The following MRTFB variants were observed in gnomAD, a reference collection of about 807,000 sequenced individuals.
MRTFB encodes the protein myocardin related transcription factor B, also known as myocardin-related transcription factor B.
A neutral mutation model predicts 104.2 loss-of-function variants in MRTFB; 29 were observed. The observed-to-expected ratio is 0.28, with a 90% CI of 0.21 to 0.38. The LOEUF (loss-of-function observed/expected upper bound fraction) is 0.38. Ranked by LOEUF, MRTFB falls within the 10% of genes least tolerant of loss-of-function variation. The probability of loss-of-function intolerance (pLI) is 1.00; values close to 1 mark genes in which losing one functional copy is unlikely to be tolerated. For missense variants in MRTFB, 1,270 were observed against 1,341.6 expected (o/e 0.95, Z 0.83); for synonymous variants, 535 against 519.5 (o/e 1.03, Z -0.41).
chr16:14,203,906 G>A (rs1379259982), intron 3 of MRTFB, among the ~76,000 whole-genome samples: 1 of 151,888 alleles, frequency 6.6e-6, no homozygotes, highest in Non-Finnish European at 1.5e-5. Flanking sequence ...TTTTGAATTA[G>A]GGTTATAAGT....
the MRTFB span, among the ~76,000 whole-genome samples, chr16:14,019,889 T>C: frequency 6.6e-6 from 1 of 152,020 alleles, no homozygotes; most frequent in Non-Finnish European, 1.5e-5. Context: ...ATGGGACAAA[T>C]AGAAGGGAAG....
the MRTFB span, among the ~76,000 whole-genome samples, chr16:14,007,585 C>T: frequency 6.6e-6 from 1 of 152,074 alleles, no homozygotes; most frequent in Admixed American, 6.6e-5. Context: ...TTCTATATAC[C>T]TACGAGGGAA....
intron 1 of MRTFB, among the ~76,000 whole-genome samples, chr16:14,071,975 C>A (rs2033730808): frequency 6.6e-6 from 1 of 152,116 alleles, no homozygotes; most frequent in African/African-American, 2.4e-5. Flanking sequence ...TCCCCGATCC[C>A]CAAGTGGTCA....
At chr16:14,064,761 A>ATTG in the MRTFB span, among the ~76,000 whole-genome samples, 5 of 152,172 alleles carry the variant, frequency 3.3e-5, no homozygotes, top group Admixed American at 3.3e-4. Flanking sequence ...CAGAGATCAG[A>ATTG]TTGTTGTAGA....
At chr16:14,143,947 C>T (rs2038159693) in intron 3 of MRTFB, 2 of 152,138 alleles carry the variant, frequency 1.3e-5, no homozygotes, top group African/African-American at 2.4e-5. Context: ...TTAACTGTTA[C>T]TAGTGTTCTT....
chr16:14,262,448 G>A lies in MRTFB; in HGVS notation c.*1004G>A, dbSNP rs1053567103. 2.0e-5 allele frequency: 3 copies of A among 152,214 alleles called. No homozygotes were observed. The highest frequency in any genetic ancestry group is 2.9e-5 in the Non-Finnish European group (2 of 68,042). The allele number at this position is 152,214 out of a possible 1,614,324, so 9.4% of individuals were successfully genotyped here. A position where few individuals can be genotyped will look rare whatever the true frequency, so the allele number is the denominator to read the frequency against. ...AATATCTTTCTGAGCTGGCGAGTTA[G>A]AAGAATGGAAGGTAAGGGGAAGGTC... On this transcript the variant is annotated 3_prime_UTR_variant, in exon 17 of 17. Transcript: ENST00000571589.
At chr16:14,066,381 C>G (rs774719947), upstream of MRTFB, among the ~76,000 whole-genome samples, 8 of 151,330 alleles carry the variant, frequency 5.3e-5, no homozygotes, top group Non-Finnish European at 1.0e-4. Context: ...TCAAGCGATT[C>G]TCCTGCCTCA....
chr16:14,173,999 T>G (rs1271011470), intron 3 of MRTFB, among the ~76,000 whole-genome samples: 1 of 152,170 alleles, frequency 6.6e-6, no homozygotes, highest in Non-Finnish European at 1.5e-5. Flanking sequence ...TAGTTTTTTA[T>G]TATATTGGTT....
Position 14,245,680 on chromosome 16 carries a change from C to T in MRTFB, c.1212+20C>T, listed in dbSNP as rs1173975389. On this transcript the variant is annotated intron_variant, in intron 11 of 16. Coordinates refer to ENST00000571589, the MANE Select transcript of MRTFB (RefSeq NM_001308142.2). ...TTAAAGGTGACAATTGCAACTGGAGCTTATTCACCCCTAAGTACCACAAAC... is the reference window on the plus strand; with the variant it reads ...TTAAAGGTGACAATTGCAACTGGAGTTTATTCACCCCTAAGTACCACAAAC... The T allele has an allele frequency of 5.6e-6, 9 of 1,603,846 alleles. No individual in the cohort carries two copies. Among genetic ancestry groups the T allele is most frequent in the South Asian group, 2.3e-5 (2 of 88,026 alleles).
At chr16:14,081,640 T>C (rs1021502941) in intron 2 of MRTFB, among the ~76,000 whole-genome samples, 5 of 152,030 alleles carry the variant, frequency 3.3e-5, no homozygotes, top group African/African-American at 1.2e-4. Context: ...AGTGCAGTGG[T>C]GCAATCACGG....
chr16:14,097,025 T>G (rs1340947132), intron 2 of MRTFB, among the ~76,000 whole-genome samples: 3 of 152,232 alleles, frequency 2.0e-5, no homozygotes, highest in African/African-American at 7.2e-5. Context: ...ATCTTAACTT[T>G]GTATTAGAAG....
At chr16:14,042,186 C>T in the MRTFB span, among the ~76,000 whole-genome samples, 113 of 152,064 alleles carry the variant, frequency 7.4e-4, no homozygotes, top group African/African-American at 2.4e-3. Context: ...AGTGCAATGG[C>T]GTGATCTCAG....
At chr16:13,999,523 G>GA in the MRTFB span, among the ~76,000 whole-genome samples, 17 of 144,776 alleles carry the variant, frequency 1.2e-4, no homozygotes, top group South Asian at 4.4e-4. Context: ...AAGAAAGAAA[G>GA]AAAAAAAAAA....
At chr16:14,020,033 A>G in the MRTFB span, among the ~76,000 whole-genome samples, 1 of 152,186 alleles carries the variant, frequency 6.6e-6, no homozygotes, top group Non-Finnish European at 1.5e-5. Flanking sequence ...TAAGCATGTG[A>G]TAAACCCTTC....
At chr16:14,109,800 A>G (rs1193014958) in intron 2 of MRTFB, among the ~76,000 whole-genome samples, 1 of 152,234 alleles carries the variant, frequency 6.6e-6, no homozygotes. Flanking sequence ...AAAGAAATGT[A>G]GAGGCCCTGC....
intron 1 of MRTFB, among the ~76,000 whole-genome samples, chr16:14,076,559 AAT>A (rs1487530023): frequency 6.6e-6 from 1 of 152,218 alleles, no homozygotes; most frequent in Non-Finnish European, 1.5e-5. Context: ...TCCAGTGATC[AAT>A]ATATGAGTTG....
At chr16:14,092,444 T>C (rs1262049532) in intron 2 of MRTFB, among the ~76,000 whole-genome samples, 1 of 152,158 alleles carries the variant, frequency 6.6e-6, no homozygotes, top group Non-Finnish European at 1.5e-5. Flanking sequence ...TTGAAAGTTA[T>C]TGGGGAAGGG....
At chr16:14,145,875 A>C (rs1235394817) in intron 3 of MRTFB, among the ~76,000 whole-genome samples, 1 of 152,246 alleles carries the variant, frequency 6.6e-6, no homozygotes, top group Non-Finnish European at 1.5e-5. Flanking sequence ...CTCAGCAAGG[A>C]AAGACAAAGT....
chr16:14,107,380 A>G (rs1248974195), intron 2 of MRTFB, among the ~76,000 whole-genome samples: 2 of 152,218 alleles, frequency 1.3e-5, no homozygotes, highest in African/African-American at 2.4e-5. Context: ...TCTCTCTCCC[A>G]TGGAATTGAA....
Sources: allele counts gnomAD v4.1 joint callset (sites outside exome capture counted in the v4.1 genomes callset), GRCh38; gene constraint gnomAD v4.1.1; transcripts MANE v1.5; gene names NCBI Gene and HGNC (gene_info 2026-07-23, HGNC 2026-07-21).